The following GPC6 variants were observed in gnomAD, a reference collection of about 807,000 sequenced individuals.
The protein encoded by GPC6 is glypican-6.
Under a neutral mutation model 55.2 loss-of-function variants are expected in GPC6, and 14 were observed. The ratio of observed to expected loss-of-function variants is 0.25; its 90% CI spans 0.17 to 0.40. The LOEUF (loss-of-function observed/expected upper bound fraction) is 0.40, where lower values mean the gene tolerates loss of function less well. Among genes scored for constraint, GPC6 ranks in the 10% least tolerant of loss-of-function variants. GPC6 has a pLI of 1.00. For missense variants in GPC6, 641 were observed against 708.5 expected (o/e 0.90, Z 1.08); for synonymous variants, 278 against 259.6 (o/e 1.07, Z -0.68).
intron 1 of GPC6, among the ~76,000 whole-genome samples, chr13:93,279,138 A>G (rs1465373870): frequency 6.6e-6 from 1 of 152,206 alleles, no homozygotes; most frequent in Non-Finnish European, 1.5e-5. Flanking sequence ...TTGCTAGAAT[A>G]TCTGTGGTTC....
chr13:93,653,271 G>A (rs974031344), intron 2 of GPC6, among the ~76,000 whole-genome samples: 1 of 152,138 alleles, frequency 6.6e-6, no homozygotes, highest in African/African-American at 2.4e-5. Context: ...ATCCTAGAAT[G>A]TATTAGAGGT....
chr13:93,489,951 C>A (rs1002816322), intron 1 of GPC6, among the ~76,000 whole-genome samples: 6 of 151,314 alleles, frequency 4.0e-5, no homozygotes, highest in Non-Finnish European at 8.8e-5. Context: ...TAATTGAATA[C>A]CCTTTATTTT....
chr13:93,681,467 G>C (rs1311772866), intron 2 of GPC6, among the ~76,000 whole-genome samples: 2 of 151,998 alleles, frequency 1.3e-5, no homozygotes, highest in African/African-American at 4.8e-5. Flanking sequence ...AGGAAGATAC[G>C]GCAAGAGCTG....
chr13:93,526,863 A>C (rs1208984490), intron 1 of GPC6, among the ~76,000 whole-genome samples: 1 of 152,074 alleles, frequency 6.6e-6, no homozygotes, highest in African/African-American at 2.4e-5. Flanking sequence ...GCTAGGTAAA[A>C]GCAGGGATAC....
At chr13:93,369,385 G>C (rs533279715) in intron 1 of GPC6, among the ~76,000 whole-genome samples, 7 of 152,182 alleles carry the variant, frequency 4.6e-5, no homozygotes, top group African/African-American at 1.7e-4. Context: ...AGCAGGAGTG[G>C]CTATATCAAA....
intron 4 of GPC6, among the ~76,000 whole-genome samples, chr13:94,185,910 A>G (rs1032817506): frequency 6.6e-6 from 1 of 151,922 alleles, no homozygotes; most frequent in South Asian, 2.1e-4. Flanking sequence ...AATACAAAAA[A>G]TTAGCCGGGC....
At chr13:93,247,056 C>T (rs1876627625) in intron 1 of GPC6, among the ~76,000 whole-genome samples, 2 of 150,226 alleles carry the variant, frequency 1.3e-5, no homozygotes. Flanking sequence ...TATAATGTAA[C>T]ATTTTATTAT....
At chr13:94,223,947 G>C (rs550931652) in intron 4 of GPC6, among the ~76,000 whole-genome samples, 2 of 152,248 alleles carry the variant, frequency 1.3e-5, no homozygotes, top group South Asian at 4.2e-4. Context: ...ACAAGGCAGA[G>C]CTCTGCCTTC....
At chr13:94,101,233 G>A (rs1885845547) in intron 4 of GPC6, among the ~76,000 whole-genome samples, 1 of 152,218 alleles carries the variant, frequency 6.6e-6, no homozygotes, top group Non-Finnish European at 1.5e-5. Flanking sequence ...CCCTGTGGGA[G>A]AACCTAATAA....
chr13:93,707,125 TA>T (rs1218880325), intron 2 of GPC6, among the ~76,000 whole-genome samples: 2 of 151,782 alleles, frequency 1.3e-5, no homozygotes, highest in African/African-American at 2.4e-5. Flanking sequence ...ATTTCAAATT[TA>T]AAAAAATCTA....
chr13:93,805,769 A>G (rs1028891937), intron 2 of GPC6, among the ~76,000 whole-genome samples: 6 of 152,154 alleles, frequency 3.9e-5, no homozygotes, highest in Non-Finnish European at 4.4e-5. Flanking sequence ...TTATCTATCA[A>G]TTAGGTTTGG....
At chr13:93,757,605 G>C (rs1277039674) in intron 2 of GPC6, among the ~76,000 whole-genome samples, 1 of 152,098 alleles carries the variant, frequency 6.6e-6, no homozygotes, top group African/African-American at 2.4e-5. Flanking sequence ...TCCTTTCAGA[G>C]CTCACATCTC....
At chr13:94,084,569 G>T (rs923132916) in intron 4 of GPC6, among the ~76,000 whole-genome samples, 3 of 124,646 alleles carry the variant, frequency 2.4e-5, no homozygotes, top group Admixed American at 8.6e-5. Flanking sequence ...CCATATTAGG[G>T]TAAGCACTAT....
At chr13:93,483,613 G>A (rs1156853037) in intron 1 of GPC6, among the ~76,000 whole-genome samples, 1 of 152,014 alleles carries the variant, frequency 6.6e-6, no homozygotes, top group Admixed American at 6.6e-5. Context: ...TTTTAAAATT[G>A]ACTTGCTATT....
At chr13:94,189,791 G>A (rs941387336) in intron 4 of GPC6, among the ~76,000 whole-genome samples, 7 of 152,124 alleles carry the variant, frequency 4.6e-5, no homozygotes, top group East Asian at 1.9e-4. Flanking sequence ...GGAGACCGAC[G>A]CGGGCAGATC....
intron 1 of GPC6, among the ~76,000 whole-genome samples, chr13:93,393,123 TATATAGAGAGAG>T (rs1168893098): frequency 5.4e-4 from 51 of 94,670 alleles, no homozygotes; most frequent in Middle Eastern, 0.011. Context: ...TATATATATA[TATATAGAGAGAG>T]AGAGAGAGAG....
At chr13:94,370,345 T>C (rs565454365) in intron 6 of GPC6, among the ~76,000 whole-genome samples, 11 of 152,212 alleles carry the variant, frequency 7.2e-5, no homozygotes, top group African/African-American at 2.7e-4. Flanking sequence ...CAAATTAATA[T>C]GTGCTCCCAT....
At chr13:93,712,861 G>T (rs1883119766) in intron 2 of GPC6, among the ~76,000 whole-genome samples, 1 of 151,294 alleles carries the variant, frequency 6.6e-6, no homozygotes, top group Non-Finnish European at 1.5e-5. Context: ...GGACAAGACT[G>T]CTAATAATAT....
intron 1 of GPC6, among the ~76,000 whole-genome samples, chr13:93,269,824 A>G (rs533093756): frequency 6.8e-6 from 1 of 146,636 alleles, no homozygotes; most frequent in Admixed American, 6.9e-5. Context: ...CCTGGGAGGC[A>G]GAGCTTGCAA....
Sources: gnomAD v4.1 joint callset for allele counts (sites outside exome capture counted in the v4.1 genomes callset) on GRCh38, gnomAD v4.1.1 for gene constraint, MANE v1.5 for transcripts, NCBI Gene and HGNC (gene_info 2026-07-23, HGNC 2026-07-21) for gene names.